Variants in MRPL45 observed in about 807,000 individuals in gnomAD.
MRPL45 encodes the protein mitochondrial ribosomal protein L45.
In MRPL45, 20 loss-of-function variants were observed where a neutral mutation model predicts 38.1. The ratio of observed to expected loss-of-function variants is 0.53; its 90% CI spans 0.37 to 0.76. MRPL45 has a LOEUF of 0.76. MRPL45 is among the 30% of genes least tolerant of loss of function. The pLI is 0.00. For synonymous variants in MRPL45, 105 were observed against 128.8 expected (o/e 0.82, Z 1.25); for missense variants, 337 against 395.6 (o/e 0.85, Z 1.26).
chr17:38,320,564 G>A, intron 5 of MRPL45, 54 bp from the exon 6 acceptor site: 1 of 1,588,982 alleles, frequency 6.3e-7, no homozygotes, highest in Non-Finnish European at 8.6e-7. Flanking sequence ...GGCAGCACCA[G>A]CTTCCTTAAA....
At position 38,320,633 on chromosome 17, in the gene MRPL45, A is replaced by G; in HGVS notation, c.526A>G (p.Ile176Val). The G allele has an allele frequency of 4.3e-6, 7 of 1,614,198 alleles. No individual in the cohort carries two copies. The highest frequency in any genetic ancestry group is 4.2e-6 in the Non-Finnish European group (5 of 1,180,034). ...TTGCCCTTAGGACATGACTTGGGAC[A>G]TCAAATATAAGACCGTCCGCTGGAG... ...EHCFPDMTWD[I>V]KYKTVRWSFV... The change falls in exon 6 of 8, where the codon ATC (isoleucine) becomes GTC (valine). Residue 176 changes from isoleucine (I) to valine (V), a missense_variant. Transcript: ENST00000613675.
chr17:38,312,187 C>T (rs2037119218), intron 4 of MRPL45, among the ~76,000 whole-genome samples: 1 of 151,862 alleles, frequency 6.6e-6, no homozygotes, highest in South Asian at 2.1e-4. Flanking sequence ...GCTGGGATTA[C>T]AGACGCCTGC....
chr17:38,310,262 G>T (rs2144220164), intron 4 of MRPL45, among the ~76,000 whole-genome samples: 1 of 149,866 alleles, frequency 6.7e-6, no homozygotes, highest in East Asian at 2.0e-4. Flanking sequence ...GTCTTCAATA[G>T]GTCCATTTTC....
At chr17:38,316,864 C>A (rs1166961890) in intron 4 of MRPL45, among the ~76,000 whole-genome samples, 1 of 150,612 alleles carries the variant, frequency 6.6e-6, no homozygotes, top group Non-Finnish European at 1.5e-5. Context: ...GTGGCGCGAT[C>A]TTGGCTCACT....
At chr17:38,303,670 A>G (rs2037022654) in intron 3 of MRPL45, among the ~76,000 whole-genome samples, 1 of 151,738 alleles carries the variant, frequency 6.6e-6, no homozygotes, top group African/African-American at 2.4e-5. Flanking sequence ...AATCTGGACT[A>G]GTTGCTCTTA....
chr17:38,314,476 T>C lies in MRPL45; in HGVS notation c.462-4211T>C, dbSNP rs190177973. ...TTGATGAAATCCAGTTTTTCAAGTT[T>C]TTTTCTTTTGTTACCATATCGAGTT... On this transcript the variant is annotated intron_variant, in intron 4 of 7. Transcript: ENST00000613675. Among the ~76,000 whole-genome samples the C allele has an allele frequency of 2.0e-5, 3 of 152,348 alleles. No individual in the cohort carries two copies. In the East Asian group the frequency reaches 5.8e-4, roughly 29 times the overall value.
chr17:38,318,931 G>A (rs1326803156), intron 5 of MRPL45, among the ~76,000 whole-genome samples, 196 bp downstream of exon 5: 1 of 150,506 alleles, frequency 6.6e-6, no homozygotes, highest in Non-Finnish European at 1.5e-5. Context: ...AGGTTCAAGC[G>A]ATTCTCCTGC....
chr17:38,304,885 C>G (rs1268756554), intron 3 of MRPL45, among the ~76,000 whole-genome samples: 2 of 145,000 alleles, frequency 1.4e-5, no homozygotes, highest in African/African-American at 5.1e-5. Flanking sequence ...CTCGCTCTGT[C>G]ACCCAGGCTG....
At chr17:38,300,591 T>C (rs2036984079) in intron 3 of MRPL45, among the ~76,000 whole-genome samples, 2 of 152,200 alleles carry the variant, frequency 1.3e-5, no homozygotes, top group Admixed American at 6.5e-5. Context: ...TATAGGTTTA[T>C]GTGCATAAGT....
intron 3 of MRPL45, among the ~76,000 whole-genome samples, chr17:38,304,453 G>A (rs1267559531): frequency 6.6e-6 from 1 of 152,252 alleles, no homozygotes. Context: ...TCTAGCCTGG[G>A]TGACAGAGTG....
intron 4 of MRPL45, 79 bp downstream of exon 4, chr17:38,306,710 G>A: frequency 1.3e-6 from 2 of 1,583,144 alleles, no homozygotes; most frequent in Non-Finnish European, 8.6e-7. Flanking sequence ...TTGTTTGTTT[G>A]TTTTTGTTTT....
At chr17:38,297,664 G>A (rs1445953814) in intron 1 of MRPL45, among the ~76,000 whole-genome samples, 2 of 152,154 alleles carry the variant, frequency 1.3e-5, no homozygotes, top group African/African-American at 2.4e-5. Context: ...AAGATCTCCT[G>A]ATCTTTCGAG....
At chr17:38,322,354 G>A in intron 7 of MRPL45, 55 bp downstream of exon 7, 4 of 1,462,752 alleles carry the variant, frequency 2.7e-6, no homozygotes, top group Non-Finnish European at 2.8e-6. Flanking sequence ...GGTCTCCTAA[G>A]CCACTCTGTC....
At position 38,315,006 on chromosome 17, in the gene MRPL45, C is replaced by A. The variant is rs139338585; in HGVS notation, c.462-3681C>A. Among the ~76,000 whole-genome samples the A allele has an allele frequency of 8.5e-3, 1,296 of 152,292 alleles. 10 individuals are homozygous for A. The highest frequency in any genetic ancestry group is 0.024 in the Middle Eastern group (7 of 294). The stretch of plus-strand genomic sequence containing the variant: ...CATTATCACAGATTACAGTTTTATA[C>A]CTTGGGTGCCCATTACATCAATTCA... On this transcript the variant is annotated intron_variant, in intron 4 of 7. Transcript: ENST00000613675.
intron 3 of MRPL45, among the ~76,000 whole-genome samples, chr17:38,303,907 A>G (rs914466687): frequency 6.6e-6 from 1 of 152,004 alleles, no homozygotes; most frequent in Non-Finnish European, 1.5e-5. Flanking sequence ...TTGTATTTTT[A>G]GTAGAAATGG....
At chr17:38,310,130 CT>C (rs71135802) in intron 4 of MRPL45, among the ~76,000 whole-genome samples, 30 of 122,240 alleles carry the variant, frequency 2.5e-4, no homozygotes, top group African/African-American at 3.8e-4. Flanking sequence ...TTAGAATTTT[CT>C]TTTTTTTTTT....
Position 38,322,681 on chromosome 17 carries a change from G to T in MRPL45, c.*86G>T, listed in dbSNP as rs2037243972. On this transcript the variant is annotated 3_prime_UTR_variant, in exon 8 of 8. Coordinates refer to ENST00000613675, the MANE Select transcript of MRPL45 (RefSeq NM_032351.6). Reference sequence around the variant, plus strand: ...TCCCATTCCCCTCATGCTATAAAAAGAACTACCTTTGTTCTCTCCCATCCT... The same window carrying T: ...TCCCATTCCCCTCATGCTATAAAAATAACTACCTTTGTTCTCTCCCATCCT... 9.6e-7 allele frequency: 1 copy of T among 1,045,800 alleles called. No homozygotes were observed. The highest frequency in any genetic ancestry group is 1.4e-6 in the Non-Finnish European group (1 of 703,394). 64.8% of individuals were successfully genotyped at this position (1,045,800 alleles called of 1,614,324 possible). A position where few individuals can be genotyped will look rare whatever the true frequency, so the allele number is the denominator to read the frequency against.
At position 38,322,191 on chromosome 17, in the gene MRPL45, C is replaced by A; in HGVS notation, c.726C>A (p.Val242=). 1 of 1,614,064 alleles carries A rather than the reference C, an allele frequency of 6.2e-7. No individual in the cohort carries two copies. The highest frequency in any genetic ancestry group is 8.5e-7 in the Non-Finnish European group (1 of 1,180,016). ...MYGQEDVPKD[V]LEYVVFEKQL... The stretch of plus-strand genomic sequence containing the variant: ...GACAGGAAGATGTACCCAAGGATGT[C>A]CTGGAGTATGTTGTATTCGAAAAGC... The change falls in exon 7 of 8, where the codon GTC becomes GTA. Residue 242 remains valine (V), a synonymous_variant. Transcript: ENST00000613675.
At chr17:38,299,577 A>G (rs2036971878) in intron 3 of MRPL45, 109 bp downstream of exon 3, 2 of 735,640 alleles carry the variant, frequency 2.7e-6, no homozygotes, top group Non-Finnish European at 4.4e-6. Flanking sequence ...CATTCTCTTA[A>G]TAACATGATG....
Sources: gnomAD v4.1 joint callset for allele counts (sites outside exome capture counted in the v4.1 genomes callset) on GRCh38, gnomAD v4.1.1 for gene constraint, MANE v1.5 for transcripts, NCBI Gene and HGNC (gene_info 2026-07-23, HGNC 2026-07-21) for gene names.